Variants in C1QTNF9 observed in about 807,000 individuals in gnomAD.
C1QTNF9 encodes complement C1q and tumor necrosis factor-related protein 9A.
A neutral mutation model predicts 10.1 loss-of-function variants in C1QTNF9; 6 were observed. That is an observed-to-expected ratio of 0.59 (90% CI 0.32 to 1.17). The LOEUF (loss-of-function observed/expected upper bound fraction) is 1.17. Among genes scored for constraint, C1QTNF9 ranks in the 50% most tolerant of loss-of-function variants. The pLI, the probability that C1QTNF9 is intolerant of heterozygous loss-of-function variation, is 0.04. For missense variants in C1QTNF9, 201 were observed against 418.8 expected (o/e 0.48, Z 4.54); for synonymous variants, 98 against 163.5 (o/e 0.60, Z 3.06).
upstream of C1QTNF9, among the ~76,000 whole-genome samples, chr13:24,307,591 C>T (rs1420564394): frequency 6.6e-6 from 1 of 152,264 alleles, no homozygotes. Context: ...TTTTTGTTTA[C>T]TCTTAATATC....
chr13:24,316,325 TCATC>T (rs1339858498), intron 2 of C1QTNF9, among the ~76,000 whole-genome samples, 156 bp downstream of exon 2: 1 of 151,944 alleles, frequency 6.6e-6, no homozygotes, highest in Non-Finnish European at 1.5e-5. Flanking sequence ...CTGACCCCAT[TCATC>T]CATCCACCCA....
intron 2 of C1QTNF9, among the ~76,000 whole-genome samples, chr13:24,317,901 C>T (rs1878103321): frequency 6.6e-6 from 1 of 151,948 alleles, no homozygotes; most frequent in African/African-American, 2.4e-5. Context: ...GATAAGCCCC[C>T]TCCATTCAGA....
intron 2 of C1QTNF9, among the ~76,000 whole-genome samples, 177 bp from the exon 3 acceptor site, chr13:24,318,641 C>G (rs968110242): frequency 6.6e-6 from 1 of 152,238 alleles, no homozygotes; most frequent in Non-Finnish European, 1.5e-5. Flanking sequence ...CAGCTCAGCA[C>G]CCCAGATGCC....
chr13:24,319,904 G>A (rs1366166611), intron 3 of C1QTNF9, among the ~76,000 whole-genome samples: 1 of 152,190 alleles, frequency 6.6e-6, no homozygotes, highest in Non-Finnish European at 1.5e-5. Flanking sequence ...ACAGAGGCAC[G>A]AGGCTCACTA....
intron 1 of C1QTNF9, among the ~76,000 whole-genome samples, chr13:24,312,753 G>A (rs1248740635): frequency 7.2e-5 from 11 of 151,746 alleles, no homozygotes; most frequent in South Asian, 2.1e-4. Flanking sequence ...TCAGGAAATC[G>A]AGACCATCCT....
intron 1 of C1QTNF9, among the ~76,000 whole-genome samples, chr13:24,310,987 A>G (rs1272265479): frequency 6.6e-6 from 1 of 152,136 alleles, no homozygotes; most frequent in Non-Finnish European, 1.5e-5. Context: ...ATGGAAGACA[A>G]TATATTCGAT....
chr13:24,315,760 C>G (rs1375366587), intron 1 of C1QTNF9: 16 of 545,942 alleles, frequency 2.9e-5, no homozygotes, highest in East Asian at 2.0e-4. Flanking sequence ...TGCCCGTTCA[C>G]CTTGAAGAGT....
chr13:24,316,167 C>G (rs754920252), exon 2 of C1QTNF9: 33 of 1,594,818 alleles, frequency 2.1e-5, no homozygotes, highest in Non-Finnish European at 2.8e-5. Flanking sequence ...AAAGGCGATG[C>G]AGGTACTCAC....
intron 1 of C1QTNF9, among the ~76,000 whole-genome samples, chr13:24,313,289 G>T (rs1435986478): frequency 1.3e-5 from 2 of 152,208 alleles, no homozygotes; most frequent in African/African-American, 2.4e-5. Context: ...AATTACAGAA[G>T]AGTAACCATT....
intron 1 of C1QTNF9, among the ~76,000 whole-genome samples, chr13:24,315,005 T>C (rs921167281): frequency 7.2e-5 from 11 of 152,094 alleles, no homozygotes; most frequent in Non-Finnish European, 4.4e-5. Context: ...GCTTTACTTT[T>C]TTAAAAATTT....
chr13:24,322,204 AC>A (rs1458998899), exon 4 of C1QTNF9: 1 of 160,332 alleles, frequency 6.2e-6, no homozygotes, highest in African/African-American at 2.4e-5. Flanking sequence ...AAAGCTGTAG[AC>A]ACTGCTCATT....
upstream of C1QTNF9, among the ~76,000 whole-genome samples, chr13:24,309,047 G>A (rs1269556227): frequency 6.6e-6 from 1 of 151,912 alleles, no homozygotes; most frequent in Admixed American, 6.6e-5. Flanking sequence ...TAATTAAGCG[G>A]TAGGAATTCT....
At chr13:24,313,664 G>C (rs1021282308) in intron 1 of C1QTNF9, among the ~76,000 whole-genome samples, 7 of 152,188 alleles carry the variant, frequency 4.6e-5, no homozygotes, top group African/African-American at 1.4e-4. Context: ...ATTTCCACCA[G>C]ATGGCAATAC....
chr13:24,314,835 C>T (rs1478155393), intron 1 of C1QTNF9, among the ~76,000 whole-genome samples: 2 of 142,096 alleles, frequency 1.4e-5, no homozygotes, highest in African/African-American at 5.2e-5. Context: ...GGAGCAAGAC[C>T]TTGTCTCCAA....
At chr13:24,307,884 G>C (rs1259399689), upstream of C1QTNF9, among the ~76,000 whole-genome samples, 1 of 152,256 alleles carries the variant, frequency 6.6e-6, no homozygotes, top group Non-Finnish European at 1.5e-5. Context: ...GAGGCTGGAG[G>C]CGCTGCAGTC....
At chr13:24,318,732 C>T in intron 2 of C1QTNF9, 86 bp from the exon 3 acceptor site, 1 of 1,593,900 alleles carries the variant, frequency 6.3e-7, no homozygotes, top group Non-Finnish European at 8.6e-7. Flanking sequence ...CCAGACTCTC[C>T]AACACACATG....
At chr13:24,315,911 C>T (rs1328954361) in intron 1 of C1QTNF9, 71 bp from the exon 2 acceptor site, 86 of 1,546,596 alleles carry the variant, frequency 5.6e-5, no homozygotes, top group Middle Eastern at 3.4e-4. Context: ...TCCCACTGCA[C>T]GGAACAGAGG....
At chr13:24,309,976 A>G (rs1344413361) in intron 1 of C1QTNF9, among the ~76,000 whole-genome samples, 2 of 152,080 alleles carry the variant, frequency 1.3e-5, no homozygotes, top group Non-Finnish European at 1.5e-5. Context: ...GCTCACTGCA[A>G]CCTCGCCTCC....
chr13:24,319,251 A>G (rs1358198837), intron 3 of C1QTNF9, among the ~76,000 whole-genome samples: 1 of 152,188 alleles, frequency 6.6e-6, no homozygotes, highest in African/African-American at 2.4e-5. Flanking sequence ...TAAACATGCA[A>G]ACCATGGCCG....
Sources: allele counts gnomAD v4.1 joint callset (sites outside exome capture counted in the v4.1 genomes callset), GRCh38; gene constraint gnomAD v4.1.1; transcripts MANE v1.5; gene names NCBI Gene and HGNC (gene_info 2026-07-23, HGNC 2026-07-21).